Variants in CD93 observed in about 807,000 individuals in gnomAD.
CD93 encodes complement component C1q receptor.
A neutral mutation model predicts 45.5 loss-of-function variants in CD93; 44 were observed. The ratio of observed to expected loss-of-function variants is 0.97; its 90% confidence interval spans 0.76 to 1.24. The LOEUF (loss-of-function observed/expected upper bound fraction) is 1.24. Ranked by LOEUF, CD93 falls within the 50% of genes most tolerant of loss-of-function variation. The probability of loss-of-function intolerance (pLI) is 0.00; values close to 1 mark genes in which losing one functional copy is unlikely to be tolerated. For missense variants in CD93, 918 were observed against 844.5 expected (o/e 1.09, Z -1.08); for synonymous variants, 431 against 370.8 (o/e 1.16, Z -1.87).
chr20:23,084,210 C>T (rs375179604), intron 1 of CD93, 49 bp downstream of exon 1: 1 of 1,586,978 alleles, frequency 6.3e-7, no homozygotes, highest in Non-Finnish European at 8.6e-7. Context: ...GTAGTCAGTG[C>T]CCCCATGCCT....
Position 23,083,877 on chromosome 20 carries a change from C to G in CD93, c.*73G>C. ...AGTCTTTCAAAAAAATGTGGGTGCC[C>G]CTTTGGAATGGGGAGTTCAAAGCTC... On this transcript the variant is annotated 3_prime_UTR_variant, in exon 2 of 2. Coordinates refer to ENST00000246006, the MANE Select transcript of CD93 (RefSeq NM_012072.4). The G allele has an allele frequency of 1.4e-6, 2 of 1,412,752 alleles. No individual in the cohort carries two copies. Among genetic ancestry groups the G allele is most frequent in the Non-Finnish European group, 2.0e-6 (2 of 995,794 alleles). 87.5% of individuals were successfully genotyped at this position (1,412,752 alleles called of 1,614,324 possible).
At position 23,084,939 on chromosome 20, in the gene CD93, G is replaced by A. The variant is rs576363930; in HGVS notation, c.1254C>T (p.Ala418=). 20 of 1,613,508 alleles carry A rather than the reference G, an allele frequency of 1.2e-5. No individual in the cohort carries two copies. In the Admixed American group the frequency reaches 1.3e-4, roughly 11 times the overall value. ...CCTGGCACTGAGTCCCGTCCTCCCC[G>A]GCCAGGACGTAGCCCTCCTCACAGG... ...HCSCEEGYVL[A]GEDGTQCQDV... Residue 418 remains alanine (A), a synonymous_variant, in exon 1 of 2, where the codon GCC becomes GCT. Coordinates refer to ENST00000246006, the MANE Select transcript of CD93 (RefSeq NM_012072.4).
In CD93 at chr20:23,084,810, G is replaced by A. The variant is rs768565372; in HGVS notation, c.1383C>T (p.Ala461=). ...CCATGGTGCAAGAGACCCCATTTGG[G>A]GCCAGCACCCAGCCTGGCAGGCAGC... ...HCGCLPGWVL[A]PNGVSCTMGP... Residue 461 remains alanine (A), a synonymous_variant, in exon 1 of 2, where the codon GCC becomes GCT. Transcript: ENST00000246006. 1 of 1,613,338 alleles carries A rather than the reference G, an allele frequency of 6.2e-7. No homozygotes were observed. Among genetic ancestry groups the A allele is most frequent in the Non-Finnish European group, 8.5e-7 (1 of 1,179,980 alleles).
rs1373768116 is a variant in CD93, at chr20:23,080,397, G to A, written c.*3553C>T. On this transcript the variant is annotated 3_prime_UTR_variant, in exon 2 of 2. Coordinates refer to ENST00000246006, the MANE Select transcript of CD93 (RefSeq NM_012072.4). Reference sequence around the variant, plus strand: ...ACACTCAAACAAGGGCTTGTGATGAGGATGGAAAAGACAAAGCAACTTGAA... The same window carrying A: ...ACACTCAAACAAGGGCTTGTGATGAAGATGGAAAAGACAAAGCAACTTGAA... 1.3e-5 allele frequency: 2 copies of A among 152,482 alleles called. No homozygotes were observed. Among genetic ancestry groups the A allele is most frequent in the Non-Finnish European group, 2.9e-5 (2 of 68,044 alleles). The allele number at this position is 152,482 out of a possible 1,614,324, so 9.4% of individuals were successfully genotyped here.
chr20:23,081,774 T>C lies in CD93; in HGVS notation c.*2176A>G, dbSNP rs998895119. On this transcript the variant is annotated 3_prime_UTR_variant, in exon 2 of 2. Coordinates refer to ENST00000246006, the MANE Select transcript of CD93 (RefSeq NM_012072.4). ...CAGAACACTGTGAAAATAGGAGGGCTCGTTGGATCCCAGGAATCATACACA... is the reference window on the plus strand; with the variant it reads ...CAGAACACTGTGAAAATAGGAGGGCCCGTTGGATCCCAGGAATCATACACA... The C allele has an allele frequency of 2.0e-5, 3 of 152,242 alleles. No homozygotes were observed. In the South Asian group the frequency reaches 6.2e-4, roughly 32 times the overall value. 9.4% of individuals were successfully genotyped at this position (152,242 alleles called of 1,614,324 possible).
In CD93 at chr20:23,084,014, C is replaced by T. The variant is rs375804792; in HGVS notation, c.1935-40G>A. On this transcript the variant is annotated intron_variant, in intron 1 of 1. Coordinates refer to ENST00000246006, the MANE Select transcript of CD93 (RefSeq NM_012072.4). Reference sequence around the variant, plus strand: ...ACAGACAGCGTTGGAAGCCATGGCGCCTCTGTGCCTGCACGTCCCCACCTT... The same window carrying T: ...ACAGACAGCGTTGGAAGCCATGGCGTCTCTGTGCCTGCACGTCCCCACCTT... The T allele has an allele frequency of 1.4e-5, 23 of 1,612,264 alleles. No homozygotes were observed. The African/African-American group carries it at 2.8e-4, about 20-fold the overall frequency.
Position 23,083,448 on chromosome 20 carries a change from T to C in CD93, c.*502A>G. 1 of 156,720 alleles carries C rather than the reference T, an allele frequency of 6.4e-6. No individual in the cohort carries two copies. The highest frequency in any genetic ancestry group is 1.8e-4 in the East Asian group (1 of 5,458). 9.7% of individuals were successfully genotyped at this position (156,720 alleles called of 1,614,324 possible). A position where few individuals can be genotyped will look rare whatever the true frequency, so the allele number is the denominator to read the frequency against. ...ATGGAGGAATGCAAATGTAAAGAAATGTTTCCAGTCCGAACATGTTCCCTT... is the reference window on the plus strand; with the variant it reads ...ATGGAGGAATGCAAATGTAAAGAAACGTTTCCAGTCCGAACATGTTCCCTT... On this transcript the variant is annotated 3_prime_UTR_variant, in exon 2 of 2. Coordinates refer to ENST00000246006, the MANE Select transcript of CD93 (RefSeq NM_012072.4).
At position 23,084,378 on chromosome 20, in the gene CD93, G is replaced by A; in HGVS notation, c.1815C>T (p.Val605=). The A allele has an allele frequency of 1.9e-6, 3 of 1,614,252 alleles. No homozygotes were observed. The highest frequency in any genetic ancestry group is 2.5e-6 in the Non-Finnish European group (3 of 1,180,050). ...LLLALALGLL[V]YRKRRAKREE... is the part of the protein sequence containing the mutation. ...CCCTCTTCGCTCTCCGCTTGCGATA[G>A]ACCAGTAGCCCCAGAGCCAGGGCCA... Residue 605 remains valine, a synonymous_variant, in exon 1 of 2, where the codon GTC becomes GTT. Coordinates refer to ENST00000246006, the MANE Select transcript of CD93 (RefSeq NM_012072.4).
At position 23,086,256 on chromosome 20, in the gene CD93, C is replaced by T. The variant is rs1600424446; in HGVS notation, c.-64G>A. 5 of 1,452,556 alleles carry T rather than the reference C, an allele frequency of 3.4e-6. No individual in the cohort carries two copies. The East Asian group carries it at 1.0e-4, about 29-fold the overall frequency. 90.0% of individuals were successfully genotyped at this position (1,452,556 alleles called of 1,614,324 possible). On this transcript the variant is annotated 5_prime_UTR_variant, in exon 1 of 2. Coordinates refer to ENST00000246006, the MANE Select transcript of CD93 (RefSeq NM_012072.4). ...CCAGCGGCGACAGGAGCTTCTATCT[C>T]GGCTCCCAGCTGGGCCCCAAGGGGA...
In CD93 at chr20:23,079,776, G is replaced by A. The variant is rs1379675001; in HGVS notation, c.*4174C>T. The stretch of plus-strand genomic sequence containing the variant: ...GCTGAAAAGAACTGCTTGCCACCTT[G>A]CAGATAAGAGCAACAGCACAATAAA... On this transcript the variant is annotated 3_prime_UTR_variant, in exon 2 of 2. Transcript: ENST00000246006. 6.6e-6 allele frequency: 1 copy of A among 152,020 alleles called. No homozygotes were observed. The highest frequency in any genetic ancestry group is 2.4e-5 in the African/African-American group (1 of 41,386). 9.4% of individuals were successfully genotyped at this position (152,020 alleles called of 1,614,324 possible).
Position 23,083,788 on chromosome 20 carries a change from TA to T in CD93, c.*161del. 1 of 695,904 alleles carries T rather than the reference TA, an allele frequency of 1.4e-6. No individual in the cohort carries two copies. Among genetic ancestry groups the T allele is most frequent in the East Asian group, 2.7e-5 (1 of 37,664 alleles). The allele number at this position is 695,904 out of a possible 1,614,324, so 43.1% of individuals were successfully genotyped here. The stretch of plus-strand genomic sequence containing the variant: ...AGGAACATCAAACACCCGTAGAAAA[TA>T]CCTGCATGTTCCAAGGGGCCTTTAA... On this transcript the variant is annotated 3_prime_UTR_variant, in exon 2 of 2. Coordinates refer to ENST00000246006, the MANE Select transcript of CD93 (RefSeq NM_012072.4).
chr20:23,084,717 G>C lies in CD93; in HGVS notation c.1476C>G (p.Ser492Arg). 1 of 1,597,482 alleles carries C rather than the reference G, an allele frequency of 6.3e-7. No individual in the cohort carries two copies. The highest frequency in any genetic ancestry group is 1.7e-4 in the Middle Eastern group (1 of 5,936). ...DEEDKGEKEG[S>R]TVPRAATASP... ...TGGCTGTTGCAGCACGGGGCACGGT[G>C]CTCCCTTCTTTCTCTCCTTTGTCCT... Residue 492 changes from serine (S) to arginine (R), a missense_variant, in exon 1 of 2, where the codon AGC (serine) becomes AGG (arginine). Coordinates refer to ENST00000246006, the MANE Select transcript of CD93 (RefSeq NM_012072.4).
Position 23,084,410 on chromosome 20 carries a change from G to A in CD93, c.1783C>T (p.Leu595Phe), listed in dbSNP as rs1985413283. ...YILGTVVAIL[L>F]LLALALGLLV... ...AGCCCCAGAGCCAGGGCCAGCAGGAGTAGGATGGCCACCACGGTGCCTAGG... is the reference window on the plus strand; with the variant it reads ...AGCCCCAGAGCCAGGGCCAGCAGGAATAGGATGGCCACCACGGTGCCTAGG... The change falls in exon 1 of 2, where the codon CTC (leucine) becomes TTC (phenylalanine). Residue 595 changes from leucine to phenylalanine, a missense_variant. Coordinates refer to ENST00000246006, the MANE Select transcript of CD93 (RefSeq NM_012072.4). 6.2e-7 allele frequency: 1 copy of A among 1,614,238 alleles called. No homozygotes were observed. The highest frequency in any genetic ancestry group is 8.5e-7 in the Non-Finnish European group (1 of 1,180,044).
chr20:23,083,826 AC>A lies in CD93; in HGVS notation c.*123del. ...CAAGGGGCCTTTAAGGAGGAGACTT[AC>A]AATTGTTTGCTAAGATTCCAGTCCA... is the stretch of plus-strand genomic sequence containing the variant. On this transcript the variant is annotated 3_prime_UTR_variant, in exon 2 of 2. Transcript: ENST00000246006. 1 of 892,324 alleles carries A rather than the reference AC, an allele frequency of 1.1e-6. No individual in the cohort carries two copies. Among genetic ancestry groups the A allele is most frequent in the Non-Finnish European group, 1.9e-6 (1 of 524,700 alleles). The allele number at this position is 892,324 out of a possible 1,614,324, so 55.3% of individuals were successfully genotyped here.
Position 23,083,372 on chromosome 20 carries a change from A to ATT in CD93, c.*576_*577dup, listed in dbSNP as rs1483854428. 6.6e-6 allele frequency: 1 copy of ATT among 152,644 alleles called. No homozygotes were observed. Among genetic ancestry groups the ATT allele is most frequent in the African/African-American group, 2.4e-5 (1 of 41,454 alleles). 9.5% of individuals were successfully genotyped at this position (152,644 alleles called of 1,614,324 possible). On this transcript the variant is annotated 3_prime_UTR_variant, in exon 2 of 2. Transcript: ENST00000246006. ...TAAGAGGTTAATTGCACTTCTGGCC[A>ATT]TTCTGGAGGATGTCAACAGTATCAC...
chr20:23,085,831 T>TGGGCCCCCCCCCCCC lies in CD93; in HGVS notation c.361_362insGGGGGGGGGGGGCCC (p.Glu121delinsGlyGlyGlyGlyAlaGln). On this transcript the variant is annotated protein_altering_variant, in exon 1 of 2. Coordinates refer to ENST00000246006, the MANE Select transcript of CD93 (RefSeq NM_012072.4). ...GTGCCAGTTAGAGTAAGGCGTGTCCTCCCCCCCGCCCACCCAGCTGAAGCC... is the reference window on the plus strand; with the variant it reads ...GTGCCAGTTAGAGTAAGGCGTGTCCTGGGCCCCCCCCCCCCCCCCCCCGCCCACCCAGCTGAAGCC... 2 of 1,491,282 alleles carry TGGGCCCCCCCCCCCC rather than the reference T, an allele frequency of 1.3e-6. No individual in the cohort carries two copies. The highest frequency in any genetic ancestry group is 1.8e-6 in the Non-Finnish European group (2 of 1,097,892). 92.4% of individuals were successfully genotyped at this position (1,491,282 alleles called of 1,614,324 possible).
At position 23,084,717 on chromosome 20, in the gene CD93, G is replaced by A. The variant is rs1324840575; in HGVS notation, c.1476C>T (p.Ser492=). 13 of 1,597,482 alleles carry A rather than the reference G, an allele frequency of 8.1e-6. No individual in the cohort carries two copies. Among genetic ancestry groups the A allele is most frequent in the Non-Finnish European group, 1.1e-5 (13 of 1,172,530 alleles). Residue 492 remains serine (S), a synonymous_variant, in exon 1 of 2, where the codon AGC becomes AGT. Coordinates refer to ENST00000246006, the MANE Select transcript of CD93 (RefSeq NM_012072.4). ...DEEDKGEKEG[S]TVPRAATASP... The stretch of plus-strand genomic sequence containing the variant: ...TGGCTGTTGCAGCACGGGGCACGGT[G>A]CTCCCTTCTTTCTCTCCTTTGTCCT...
In CD93 at chr20:23,084,821, A is replaced by C. The variant is rs1985430571; in HGVS notation, c.1372T>G (p.Trp458Gly). 4 of 1,613,384 alleles carry C rather than the reference A, an allele frequency of 2.5e-6. No individual in the cohort carries two copies. The highest frequency in any genetic ancestry group is 3.4e-6 in the Non-Finnish European group (4 of 1,179,998). The change falls in exon 1 of 2, where the codon TGG becomes GGG. Residue 458 changes from tryptophan (W) to glycine (G), a missense_variant. Transcript: ENST00000246006. ...GSFHCGCLPGWVLAPNGVSCT... is the reference protein window; with the variant it reads ...GSFHCGCLPGGVLAPNGVSCT... The stretch of plus-strand genomic sequence containing the variant: ...GAGACCCCATTTGGGGCCAGCACCC[A>C]GCCTGGCAGGCAGCCACAGTGGAAG...
rs552179849 is a variant in CD93, at chr20:23,084,055, G to A, written c.1935-81C>T. On this transcript the variant is annotated intron_variant, in intron 1 of 1. Coordinates refer to ENST00000246006, the MANE Select transcript of CD93 (RefSeq NM_012072.4). ...TCCCCACCTTGGGAGAGAGCCCCAC[G>A]TGCGGCCGTGCTGCAGATGGGCAGT... 4.4e-5 allele frequency: 68 copies of A among 1,542,418 alleles called. 2 individuals carry two copies. In the South Asian group the frequency reaches 4.8e-4, roughly 11 times the overall value.
Sources: allele counts gnomAD v4.1 joint callset, GRCh38; gene constraint gnomAD v4.1.1; transcripts MANE v1.5; gene names NCBI Gene and HGNC (gene_info 2026-07-23, HGNC 2026-07-21).